Variants in TET3 observed in about 807,000 individuals in gnomAD.
The protein encoded by TET3 is tet methylcytosine dioxygenase 3, also known as methylcytosine dioxygenase TET3.
TET3 carries 19 observed loss-of-function variants against 141.4 expected under a neutral mutation model. That is an observed-to-expected ratio of 0.13 (90% CI 0.09 to 0.20). TET3 has a LOEUF of 0.20. Ranked by LOEUF, TET3 falls within the 10% of genes least tolerant of loss-of-function variation. TET3 has a pLI of 1.00. For synonymous variants in TET3, 1,043 were observed against 980.9 expected, an observed-to-expected ratio of 1.06 and a Z score of -1.18; for missense variants, 1,874 against 2,356.9, an observed-to-expected ratio of 0.80 and a Z score of 4.24.
chr2:74,101,650 C>T lies in TET3; in HGVS notation c.4862C>T (p.Ala1621Val), dbSNP rs569552456. ...GCTGAGGAGCCCCCCAGCAAGGGAG[C>T]GGTGAAGGAGGAGAAGGGCGGTGGT... ...GPAEEPPSKG[A>V]VKEEKGGGGA... The change falls in exon 12 of 12, where the codon GCG becomes GTG. Residue 1621 changes from alanine (A) to valine (V), a missense_variant. By Grantham distance (64) the Ala-to-Val change is moderately conservative. Transcript: ENST00000409262. This position sits in a 1 kb window ranked among gnomAD's most constrained non-coding sequence, Gnocchi z 8.5. 137 of 1,613,458 alleles carry T rather than the reference C, an allele frequency of 8.5e-5. No homozygotes were observed. Among genetic ancestry groups the T allele is most frequent in the East Asian group, 2.0e-4 (9 of 44,858 alleles).
intron 4 of TET3, among the ~76,000 whole-genome samples, chr2:74,059,465 G>A (rs975632416): frequency 1.3e-5 from 2 of 152,210 alleles, no homozygotes; most frequent in Admixed American, 1.3e-4. Context: ...AGGTTGGCCA[G>A]GCTGGTCTGG....
intron 2 of TET3, among the ~76,000 whole-genome samples, chr2:73,999,165 T>A (rs897639745): frequency 1.3e-5 from 2 of 152,132 alleles, no homozygotes; most frequent in African/African-American, 4.8e-5. Flanking sequence ...CCCTCTACCC[T>A]CTACCAGCTC....
chr2:74,020,292 T>G (rs999475922), intron 3 of TET3, among the ~76,000 whole-genome samples: 21 of 152,174 alleles, frequency 1.4e-4, no homozygotes, highest in African/African-American at 5.1e-4. Context: ...CAAGTGATCC[T>G]CCCACCTCAG....
At chr2:73,991,053 C>T (rs903342690) in intron 2 of TET3, among the ~76,000 whole-genome samples, 1 of 151,800 alleles carries the variant, frequency 6.6e-6, no homozygotes, top group Non-Finnish European at 1.5e-5. Context: ...AGGTGATCCA[C>T]CCACCTTGGC....
chr2:74,067,857 G>T (rs1466617789), intron 4 of TET3, among the ~76,000 whole-genome samples: 1 of 152,252 alleles, frequency 6.6e-6, no homozygotes, highest in Non-Finnish European at 1.5e-5. Context: ...TGCAAGGCAG[G>T]GAGGTGTGTG....
intron 10 of TET3, among the ~76,000 whole-genome samples, chr2:74,097,218 C>CACACACACACAT (rs1553435462): frequency 1.3e-5 from 2 of 151,550 alleles, no homozygotes; most frequent in Non-Finnish European, 2.9e-5. Context: ...CACACACACA[C>CACACACACACAT]ACACACACAC....
chr2:74,122,062 C>A, the TET3 span: 8,286 of 152,118 alleles, frequency 0.054, 310 homozygotes, highest in Non-Finnish European at 0.08. Context: ...TCCACCTCAA[C>A]TGAAAAGGAA....
At chr2:74,083,601 C>T (rs1276194488) in intron 6 of TET3, among the ~76,000 whole-genome samples, 2 of 152,152 alleles carry the variant, frequency 1.3e-5, no homozygotes, top group African/African-American at 2.4e-5. Context: ...TGTGTTTGTG[C>T]CTCTGTCAGC....
At chr2:74,125,989 G>A in the TET3 span, among the ~76,000 whole-genome samples, 6 of 152,292 alleles carry the variant, frequency 3.9e-5, no homozygotes, top group East Asian at 1.2e-3. Context: ...TTGAACTTGT[G>A]GCTCAGGTGA....
At chr2:74,086,752 C>T (rs944846326) in intron 6 of TET3, among the ~76,000 whole-genome samples, 2 of 139,886 alleles carry the variant, frequency 1.4e-5, no homozygotes, top group Non-Finnish European at 3.0e-5. Context: ...GATCATGCCA[C>T]TGTACTCCAG....
rs1476080582 is a variant in TET3 at position 74,080,916 on chromosome 2, G to A, written c.2679+325G>A. Among the ~76,000 whole-genome samples, 5 of 152,194 alleles carry A rather than the reference G, an allele frequency of 3.3e-5. No individual in the cohort carries two copies. The East Asian group carries it at 7.7e-4, about 23-fold the overall frequency. ...CTGTCCCCGTGGCTCAGGGCCGGAG[G>A]GGTAGGAAGGGAAACTGGGGATGCT... On this transcript the variant is annotated intron_variant, in intron 6 of 11. Coordinates refer to ENST00000409262, the MANE Select transcript of TET3 (RefSeq NM_001287491.2).
At chr2:74,109,163 TGAAG>T (rs1175408812), downstream of TET3, among the ~76,000 whole-genome samples, 1 of 152,228 alleles carries the variant, frequency 6.6e-6, no homozygotes, top group Non-Finnish European at 1.5e-5. Flanking sequence ...CTGCAGAGCC[TGAAG>T]GGAGGGCCAG....
At position 74,046,695 on chromosome 2, in the gene TET3, C is replaced by T. The variant is rs1341789481; in HGVS notation, c.778C>T (p.Leu260=). Reference sequence around the variant, plus strand: ...AGACCTTGACACACTGCAGACGGCCCTGGCCCTCGCGCGGCATGGTATGAA... The same window carrying T: ...AGACCTTGACACACTGCAGACGGCCTTGGCCCTCGCGCGGCATGGTATGAA... ...SEDLDTLQTA[L]ALARHGMKPP... is the part of the protein sequence containing the mutation. The change falls in exon 4 of 12, where the codon CTG becomes TTG. Residue 260 remains leucine, a synonymous_variant. Coordinates refer to ENST00000409262, the MANE Select transcript of TET3 (RefSeq NM_001287491.2). The surrounding 1 kb of genome is among the most constrained non-coding windows in gnomAD (Gnocchi z 4.3). 1 of 1,614,032 alleles carries T rather than the reference C, an allele frequency of 6.2e-7. No individual in the cohort carries two copies. Among genetic ancestry groups the T allele is most frequent in the Admixed American group, 1.7e-5 (1 of 60,034 alleles).
the TET3 span, among the ~76,000 whole-genome samples, chr2:74,133,259 C>T: frequency 6.6e-6 from 1 of 152,126 alleles, no homozygotes; most frequent in African/African-American, 2.4e-5. Flanking sequence ...GAGAGTCCCC[C>T]GTGTTCCTTC....
At chr2:74,066,995 T>C (rs752730967) in intron 4 of TET3, among the ~76,000 whole-genome samples, 1 of 152,136 alleles carries the variant, frequency 6.6e-6, no homozygotes, top group Non-Finnish European at 1.5e-5. Context: ...TTCTGGCATA[T>C]TCTTATGTTC....
rs937871210 is a variant in TET3, at chr2:74,048,221, C to G, written c.2304C>G (p.Leu768=). The part of the protein sequence containing the change: ...KIESSGAVTV[L]STTCFHSEEG... Reference sequence around the variant, plus strand: ...AGTCTTCGGGGGCTGTGACTGTGCTCTCAACCACCTGCTTCCATTCAGAGG... The same window carrying G: ...AGTCTTCGGGGGCTGTGACTGTGCTGTCAACCACCTGCTTCCATTCAGAGG... The change falls in exon 4 of 12, where the codon CTC becomes CTG. Residue 768 remains leucine, a synonymous_variant. Transcript: ENST00000409262. 3.7e-6 allele frequency: 6 copies of G among 1,613,346 alleles called. No individual in the cohort carries two copies. The Admixed American group carries it at 5.0e-5, about 13-fold the overall frequency.
intron 3 of TET3, among the ~76,000 whole-genome samples, chr2:74,012,750 C>T (rs1475253447): frequency 6.6e-6 from 1 of 152,184 alleles, no homozygotes; most frequent in Non-Finnish European, 1.5e-5. Flanking sequence ...ATGTGAATGA[C>T]TCTAGTGTTT....
At chr2:74,078,882 T>TA (rs1689654932) in intron 5 of TET3, among the ~76,000 whole-genome samples, 1 of 152,232 alleles carries the variant, frequency 6.6e-6, no homozygotes, top group Admixed American at 6.5e-5. Flanking sequence ...ATATATTTTA[T>TA]AAAAATAATT....
At chr2:74,071,351 C>T (rs755677055) in intron 4 of TET3, among the ~76,000 whole-genome samples, 1 of 152,186 alleles carries the variant, frequency 6.6e-6, no homozygotes, top group East Asian at 1.9e-4. Context: ...TTGACTCTTG[C>T]AGACAGTGTT....
Sources: allele counts gnomAD v4.1 joint callset (sites outside exome capture counted in the v4.1 genomes callset), GRCh38; gene constraint gnomAD v4.1.1; non-coding constraint Gnocchi (gnomAD v3.1); transcripts MANE v1.5; gene names NCBI Gene and HGNC (gene_info 2026-07-23, HGNC 2026-07-21).